LRBA: variants seen among roughly 807,000 people sequenced by gnomAD.
The protein encoded by LRBA is LPS responsive beige-like anchor protein, also known as lipopolysaccharide-responsive and beige-like anchor protein.
A neutral mutation model predicts 330.0 loss-of-function variants in LRBA; 176 were observed. That is an observed-to-expected ratio of 0.53 (90% CI 0.47 to 0.60). LRBA has a LOEUF of 0.60. LRBA is among the 20% of genes least tolerant of loss of function. The probability of loss-of-function intolerance (pLI) is 0.00; values close to 1 mark genes in which losing one functional copy is unlikely to be tolerated. For missense variants in LRBA, 3,259 were observed against 3,444.8 expected (o/e 0.95, Z 1.35); for synonymous variants, 1,230 against 1,193.0 (o/e 1.03, Z -0.64).
chr4:150,373,806 A>G (rs1423814775), intron 47 of LRBA, among the ~76,000 whole-genome samples: 1 of 151,824 alleles, frequency 6.6e-6, no homozygotes, highest in Non-Finnish European at 1.5e-5. Flanking sequence ...TTATATTTCA[A>G]CCTTACCTCT....
chr4:150,559,866 AATATATAATTATATATAATT>A (rs1351512723), intron 40 of LRBA, among the ~76,000 whole-genome samples: 34,382 of 74,926 alleles, frequency 0.46, 7,708 homozygotes, highest in Middle Eastern at 0.53. Flanking sequence ...AATTATATAT[AATATATAATTATATATAATT>A]ATATATAATT....
intron 35 of LRBA, 102 bp downstream of exon 35, chr4:150,761,681 C>G (rs1224359388): frequency 1.6e-6 from 1 of 642,292 alleles, no homozygotes; most frequent in Non-Finnish European, 2.7e-6. Context: ...ACATTACTGA[C>G]TGAACAAACA....
intron 51 of LRBA, among the ~76,000 whole-genome samples, chr4:150,313,669 G>A (rs1731347273): frequency 1.3e-5 from 2 of 151,828 alleles, no homozygotes; most frequent in Non-Finnish European, 2.9e-5. Context: ...TATACTGGTA[G>A]AGTTAAGAAC....
At chr4:150,397,860 T>C (rs1744954510) in intron 47 of LRBA, among the ~76,000 whole-genome samples, 1 of 152,188 alleles carries the variant, frequency 6.6e-6, no homozygotes, top group African/African-American at 2.4e-5. Context: ...AGTTAATCCA[T>C]AAATGGCTTA....
chr4:151,011,736 A>G (rs1312076399), intron 2 of LRBA, among the ~76,000 whole-genome samples: 1 of 151,738 alleles, frequency 6.6e-6, no homozygotes, highest in Non-Finnish European at 1.5e-5. Context: ...GTTGCTCTGC[A>G]TGATTGTAGC....
At chr4:150,828,922 G>GTGGGTGTGT (rs1560878315) in intron 29 of LRBA, among the ~76,000 whole-genome samples, 12 of 106,238 alleles carry the variant, frequency 1.1e-4, no homozygotes, top group African/African-American at 5.4e-4. Flanking sequence ...CTTTTTTGGG[G>GTGGGTGTGT]GTGTGTGTGT....
chr4:150,616,258 G>C (rs563310154), intron 37 of LRBA, among the ~76,000 whole-genome samples: 3 of 152,114 alleles, frequency 2.0e-5, no homozygotes, highest in Non-Finnish European at 4.4e-5. Flanking sequence ...TTTCAAGCAA[G>C]TGACCAAAGC....
intron 42 of LRBA, among the ~76,000 whole-genome samples, chr4:150,482,054 A>G (rs912702784): frequency 3.9e-5 from 6 of 152,116 alleles, no homozygotes. Context: ...AGAATAATTT[A>G]CATAGAGAAA....
chr4:150,298,957 A>G (rs897494652), intron 53 of LRBA, among the ~76,000 whole-genome samples: 1 of 152,112 alleles, frequency 6.6e-6, no homozygotes, highest in African/African-American at 2.4e-5. Context: ...TTTTAAATCC[A>G]TGTTTATGAA....
intron 36 of LRBA, among the ~76,000 whole-genome samples, chr4:150,686,814 T>C (rs949814482): frequency 6.6e-6 from 1 of 152,150 alleles, no homozygotes; most frequent in Non-Finnish European, 1.5e-5. Flanking sequence ...TTGTCATTTC[T>C]ATCTCTTATT....
chr4:150,792,803 G>A (rs565736873), intron 34 of LRBA, among the ~76,000 whole-genome samples: 45 of 152,120 alleles, frequency 3.0e-4, no homozygotes, highest in Non-Finnish European at 5.6e-4. Flanking sequence ...GCTAGGGGCC[G>A]GGCACAGTGG....
chr4:150,694,462 C>CAAAAAAAAAAAAAAAAAAAAAAAAAA lies in LRBA; in HGVS notation c.5755-10746_5755-10745insTTTTTTTTTTTTTTTTTTTTTTTTTT, dbSNP rs58558446. 4.6e-4 allele frequency among the ~76,000 whole-genome samples: 33 copies of CAAAAAAAAAAAAAAAAAAAAAAAAAA among 71,030 alleles called. 5 individuals carry two copies. Among genetic ancestry groups the CAAAAAAAAAAAAAAAAAAAAAAAAAA allele is most frequent in the African/African-American group, 1.5e-3 (30 of 20,412 alleles). 46.6% of individuals were successfully genotyped at this position (71,030 alleles called of 152,430 possible). The stretch of plus-strand genomic sequence containing the variant: ...CCTTACCTTAAAGTGTGATCTTTAA[C>CAAAAAAAAAAAAAAAAAAAAAAAAAA]AAAAAAAAAAAAAAGCTATCTACAG... On this transcript the variant is annotated intron_variant, in intron 36 of 56. Coordinates refer to ENST00000651943, the MANE Select transcript of LRBA (RefSeq NM_001364905.1).
intron 47 of LRBA, among the ~76,000 whole-genome samples, chr4:150,395,131 T>C (rs1442582826): frequency 1.3e-5 from 2 of 152,166 alleles, no homozygotes; most frequent in Admixed American, 1.3e-4. Context: ...GCTAATATTA[T>C]CTATTACTAA....
At chr4:150,304,690 G>A (rs1479851106) in intron 52 of LRBA, among the ~76,000 whole-genome samples, 1 of 152,042 alleles carries the variant, frequency 6.6e-6, no homozygotes, top group Non-Finnish European at 1.5e-5. Flanking sequence ...AAAAAATTGA[G>A]CAAATTAAAT....
rs1730285975 is a variant in LRBA at position 150,897,906 on chromosome 4, C to T, written c.1925-88G>A. 1.9e-5 allele frequency: 16 copies of T among 850,404 alleles called. No individual in the cohort carries two copies. In the South Asian group the frequency reaches 2.3e-4, roughly 12 times the overall value. The allele number at this position is 850,404 out of a possible 1,614,324, so 52.7% of individuals were successfully genotyped here. Reference sequence around the variant, plus strand: ...AAAATTCTCATTCCCAACAGCTTTTCCATGTGTTTGTAAGAAATATAAAGG... The same window carrying T: ...AAAATTCTCATTCCCAACAGCTTTTTCATGTGTTTGTAAGAAATATAAAGG... On this transcript the variant is annotated intron_variant, in intron 14 of 56. Transcript: ENST00000651943.
At chr4:150,486,336 T>C (rs1036479324) in intron 42 of LRBA, among the ~76,000 whole-genome samples, 1 of 151,886 alleles carries the variant, frequency 6.6e-6, no homozygotes, top group Non-Finnish European at 1.5e-5. Flanking sequence ...TTTGGTTTTT[T>C]CTTCCTTTAA....
At position 150,828,468 on chromosome 4, in the gene LRBA, G is replaced by C; in HGVS notation, c.4883C>G (p.Pro1628Arg). 6.2e-7 allele frequency: 1 copy of C among 1,614,142 alleles called. No individual in the cohort carries two copies. Among genetic ancestry groups the C allele is most frequent in the South Asian group, 1.1e-5 (1 of 91,084 alleles). Residue 1628 changes from proline (P) to arginine (R), a missense_variant, in exon 30 of 57, where the codon CCT (proline) becomes CGT (arginine). Coordinates refer to ENST00000651943, the MANE Select transcript of LRBA (RefSeq NM_001364905.1). ...HVEVTPHTAPPGVSAGPDAIS... is the reference protein window; with the variant it reads ...HVEVTPHTAPRGVSAGPDAIS... ...TGCATCTGGGCCTGCACTGACACCA[G>C]GAGGTGCTGTGTGAGGAGTTACTTC...
chr4:150,269,713 G>C (rs1410117264), intron 56 of LRBA, among the ~76,000 whole-genome samples: 1 of 152,184 alleles, frequency 6.6e-6, no homozygotes, highest in Admixed American at 6.5e-5. Context: ...GGGTGGCTGA[G>C]TCAGCAGGAT....
intron 40 of LRBA, among the ~76,000 whole-genome samples, chr4:150,494,037 T>C (rs1759274142): frequency 6.6e-6 from 1 of 152,028 alleles, no homozygotes; most frequent in African/African-American, 2.4e-5. Flanking sequence ...TAAGCTATGA[T>C]TGCGCCACTG....
Sources: allele counts gnomAD v4.1 joint callset (sites outside exome capture counted in the v4.1 genomes callset), GRCh38; gene constraint gnomAD v4.1.1; transcripts MANE v1.5; gene names NCBI Gene and HGNC (gene_info 2026-07-23, HGNC 2026-07-21).